The following KATNAL1 variants were observed in gnomAD, a reference collection of about 807,000 sequenced individuals.
The protein encoded by KATNAL1 is katanin catalytic subunit A1 like 1.
In KATNAL1, 32 loss-of-function variants were observed where a neutral mutation model predicts 55.2. The observed-to-expected ratio is 0.58, with a 90% CI of 0.44 to 0.78. The LOEUF (loss-of-function observed/expected upper bound fraction) is 0.78. Among genes scored for constraint, KATNAL1 ranks in the 30% least tolerant of loss-of-function variants. The pLI is 0.00. For synonymous variants in KATNAL1, 193 were observed against 193.6 expected (o/e 1.00, Z 0.02); for missense variants, 466 against 600.9 (o/e 0.78, Z 2.35).
chr13:30,254,901 C>T (rs989623560), intron 4 of KATNAL1, among the ~76,000 whole-genome samples: 2 of 152,108 alleles, frequency 1.3e-5, no homozygotes, highest in South Asian at 2.1e-4. Flanking sequence ...AGTACAATTT[C>T]CACCGAATAC....
chr13:30,216,628 C>A (rs1360113697), intron 9 of KATNAL1, among the ~76,000 whole-genome samples: 2 of 152,182 alleles, frequency 1.3e-5, no homozygotes, highest in Non-Finnish European at 2.9e-5. Flanking sequence ...GGGAGTACAC[C>A]TGCTCGACAT....
intron 1 of KATNAL1, among the ~76,000 whole-genome samples, chr13:30,288,847 C>T (rs1358672622): frequency 6.6e-6 from 1 of 152,212 alleles, no homozygotes; most frequent in East Asian, 1.9e-4. Flanking sequence ...CTAGAACTGA[C>T]AATGGTTAAG....
intron 1 of KATNAL1, among the ~76,000 whole-genome samples, chr13:30,294,901 G>C (rs116230661): frequency 7.5e-4 from 114 of 152,288 alleles, no homozygotes; most frequent in Middle Eastern, 3.4e-3. Context: ...TCTGTAAATG[G>C]AATAGCAAAG....
intron 9 of KATNAL1, among the ~76,000 whole-genome samples, chr13:30,212,980 C>T (rs1007660452): frequency 1.3e-5 from 2 of 152,126 alleles, no homozygotes; most frequent in Non-Finnish European, 2.9e-5. Context: ...GACACAAAAA[C>T]CCCTAAGGGG....
intron 3 of KATNAL1, among the ~76,000 whole-genome samples, chr13:30,262,467 G>A (rs192895477): frequency 3.9e-4 from 59 of 152,204 alleles, no homozygotes; most frequent in Admixed American, 2.9e-3. Flanking sequence ...TGGATAGACC[G>A]CTAGCAAGAC....
At chr13:30,273,675 G>A (rs913372918) in intron 3 of KATNAL1, among the ~76,000 whole-genome samples, 1 of 152,166 alleles carries the variant, frequency 6.6e-6, no homozygotes, top group Non-Finnish European at 1.5e-5. Flanking sequence ...AAGATAATAT[G>A]ACTCCAGAAT....
At chr13:30,270,984 G>A (rs999943247) in intron 3 of KATNAL1, among the ~76,000 whole-genome samples, 1 of 152,016 alleles carries the variant, frequency 6.6e-6, no homozygotes, top group Admixed American at 6.6e-5. Flanking sequence ...TGACAGTGAA[G>A]GGGTAAATAC....
At chr13:30,227,817 C>G (rs1875663972) in intron 8 of KATNAL1, among the ~76,000 whole-genome samples, 1 of 151,798 alleles carries the variant, frequency 6.6e-6, no homozygotes, top group Admixed American at 6.6e-5. Flanking sequence ...TAAAAACATC[C>G]ATTTTTCTGT....
intron 1 of KATNAL1, among the ~76,000 whole-genome samples, chr13:30,288,691 TG>T (rs1881950482): frequency 6.6e-6 from 1 of 152,240 alleles, no homozygotes; most frequent in African/African-American, 2.4e-5. Context: ...ATATTCAGAT[TG>T]ACAGCAGTTT....
At chr13:30,280,294 CTA>C in intron 2 of KATNAL1, 71 bp from the exon 3 acceptor site, 2 of 1,200,742 alleles carry the variant, frequency 1.7e-6, no homozygotes, top group Non-Finnish European at 2.3e-6. Flanking sequence ...TAATAAATTA[CTA>C]TAGAGTGCAC....
intron 3 of KATNAL1, among the ~76,000 whole-genome samples, chr13:30,271,269 C>T (rs1009918646): frequency 6.6e-6 from 1 of 152,168 alleles, no homozygotes; most frequent in Non-Finnish European, 1.5e-5. Flanking sequence ...AATGATTTGT[C>T]CTCAGAGAAG....
chr13:30,245,323 T>C (rs1460682993), intron 4 of KATNAL1, among the ~76,000 whole-genome samples: 7 of 152,144 alleles, frequency 4.6e-5, no homozygotes, highest in African/African-American at 1.2e-4. Context: ...TCTCAATACA[T>C]GCAGAAAAGG....
chr13:30,283,939 G>C, intron 1 of KATNAL1, 148 bp from the exon 2 acceptor site: 1 of 574,990 alleles, frequency 1.7e-6, no homozygotes, highest in Middle Eastern at 4.7e-4. Context: ...GCAGCAGCAT[G>C]ATCTTGACTC....
Position 30,227,413 on chromosome 13 carries a change from T to G in KATNAL1, c.1146A>C (p.Thr382=). ...LEKRIYIPLP[T]AKGRAELLKI... The stretch of plus-strand genomic sequence containing the variant: ...CTCAAAATAGAGAAGACATCATACC[T>G]GTTGGGAGAGGTATATATATCCTTT... The change falls in exon 9 of 11, where the codon ACA becomes ACC. Residue 382 remains threonine, a splice_region_variant and synonymous_variant. Coordinates refer to ENST00000380615, the MANE Select transcript of KATNAL1 (RefSeq NM_032116.5). The G allele has an allele frequency of 6.2e-7, 1 of 1,613,444 alleles. No homozygotes were observed. The highest frequency in any genetic ancestry group is 2.2e-5 in the East Asian group (1 of 44,842).
chr13:30,238,199 C>A (rs951069128), intron 6 of KATNAL1, among the ~76,000 whole-genome samples: 2 of 152,206 alleles, frequency 1.3e-5, no homozygotes, highest in African/African-American at 4.8e-5. Flanking sequence ...CTCAACCTAC[C>A]TTCCCATTTG....
rs530575967 is a variant in KATNAL1, at chr13:30,298,803, T to C, written c.-15+8528A>G. ...CAGAAACTGACCAGAATGCAGCATA[T>C]AGAGAATAAGTAAATAAGATTAAGA... On this transcript the variant is annotated intron_variant, in intron 1 of 10. Coordinates refer to ENST00000380615, the MANE Select transcript of KATNAL1 (RefSeq NM_032116.5). Among the ~76,000 whole-genome samples, 8 of 151,954 alleles carry C rather than the reference T, an allele frequency of 5.3e-5. 1 individual carries two copies. In the South Asian group the frequency reaches 1.7e-3, roughly 32 times the overall value.
chr13:30,274,900 C>CGCGTGCGCGCGCGCGT (rs1337433595), intron 3 of KATNAL1, among the ~76,000 whole-genome samples: 1 of 105,902 alleles, frequency 9.4e-6, no homozygotes, highest in African/African-American at 4.1e-5. Flanking sequence ...TACGCGCGCG[C>CGCGTGCGCGCGCGCGT]GCGCGCGCAC....
At chr13:30,271,213 C>T (rs141636429) in intron 3 of KATNAL1, among the ~76,000 whole-genome samples, 1 of 152,316 alleles carries the variant, frequency 6.6e-6, no homozygotes, top group Non-Finnish European at 1.5e-5. Flanking sequence ...AAGTAATTTT[C>T]ATACTGATCC....
At chr13:30,269,241 C>G (rs1880037913) in intron 3 of KATNAL1, among the ~76,000 whole-genome samples, 1 of 152,204 alleles carries the variant, frequency 6.6e-6, no homozygotes, top group Non-Finnish European at 1.5e-5. Flanking sequence ...GCAGCCACGC[C>G]TGACTGGTTT....
Sources: allele counts gnomAD v4.1 joint callset (sites outside exome capture counted in the v4.1 genomes callset), GRCh38; gene constraint gnomAD v4.1.1; transcripts MANE v1.5; gene names NCBI Gene and HGNC (gene_info 2026-07-23, HGNC 2026-07-21).